Variants in SPECC1 observed in about 807,000 individuals in gnomAD.
SPECC1 encodes sperm antigen with calponin homology and coiled-coil domains 1.
SPECC1 carries 62 observed loss-of-function variants against 104.1 expected under a neutral mutation model. That is an observed-to-expected ratio of 0.60 (90% CI 0.49 to 0.74). The LOEUF is 0.74. Ranked by LOEUF, SPECC1 falls within the 30% of genes least tolerant of loss-of-function variation. The pLI, the probability that SPECC1 is intolerant of heterozygous loss-of-function variation, is 0.00. For missense variants in SPECC1, 1,306 were observed against 1,310.5 expected (o/e 1.00, Z 0.05); for synonymous variants, 513 against 501.6 (o/e 1.02, Z -0.30).
chr17:20,120,093 A>T (rs941331428), intron 3 of SPECC1, among the ~76,000 whole-genome samples: 3 of 152,236 alleles, frequency 2.0e-5, no homozygotes, highest in Non-Finnish European at 4.4e-5. Flanking sequence ...CTTGGGTTTT[A>T]AAATCTCAGT....
chr17:20,107,822 G>A (rs995837556), intron 2 of SPECC1, among the ~76,000 whole-genome samples: 7 of 152,038 alleles, frequency 4.6e-5, no homozygotes, highest in African/African-American at 9.7e-5. Context: ...CACTGCGCTC[G>A]ACCATGTGAT....
chr17:20,081,550 A>G (rs936943093), intron 1 of SPECC1, among the ~76,000 whole-genome samples: 2 of 151,984 alleles, frequency 1.3e-5, no homozygotes, highest in Non-Finnish European at 2.9e-5. Context: ...CAGAGGAGTG[A>G]TGGGATCTGA....
intron 1 of SPECC1, among the ~76,000 whole-genome samples, chr17:20,029,142 A>T (rs1253237910): frequency 6.6e-6 from 1 of 152,170 alleles, no homozygotes; most frequent in Non-Finnish European, 1.5e-5. Flanking sequence ...CTTTTGATCC[A>T]TGAACATGGG....
intron 3 of SPECC1, among the ~76,000 whole-genome samples, chr17:20,127,380 TC>T (rs773097170): frequency 2.6e-5 from 4 of 151,470 alleles, no homozygotes; most frequent in Non-Finnish European, 5.9e-5. Flanking sequence ...CTAGTATTGG[TC>T]CAAAAATCAG....
chr17:20,027,998 C>A (rs1483335828), intron 1 of SPECC1, among the ~76,000 whole-genome samples: 1 of 152,166 alleles, frequency 6.6e-6, no homozygotes, highest in African/African-American at 2.4e-5. Flanking sequence ...TCAAACCTAA[C>A]GTCTTTAAGA....
chr17:20,057,971 G>A (rs931579773), intron 1 of SPECC1, among the ~76,000 whole-genome samples: 18 of 152,028 alleles, frequency 1.2e-4, no homozygotes, highest in Middle Eastern at 3.4e-3. Flanking sequence ...GTCAACTCTC[G>A]GGGAAGTCAA....
intron 1 of SPECC1, among the ~76,000 whole-genome samples, chr17:20,080,776 A>G (rs2046938783): frequency 6.6e-6 from 1 of 152,064 alleles, no homozygotes; most frequent in Non-Finnish European, 1.5e-5. Context: ...CCAGGACAAG[A>G]AGGCGGTACA....
rs371111225 is a variant in SPECC1 at position 20,255,016 on chromosome 17, A to G, written c.2680+1430A>G. Among the ~76,000 whole-genome samples, 3 of 152,238 alleles carry G rather than the reference A, an allele frequency of 2.0e-5. No individual in the cohort carries two copies. The East Asian group carries it at 5.8e-4, about 29-fold the overall frequency. ...AAGCCCTACAGAAATTGAGTGACTT[A>G]TAAAGGCTACAGCGATTTTGGATGG... On this transcript the variant is annotated intron_variant, in intron 10 of 14. Coordinates refer to ENST00000395527, the MANE Select transcript of SPECC1 (RefSeq NM_001243439.2).
chr17:20,195,467 C>A (rs2035968969), intron 3 of SPECC1, among the ~76,000 whole-genome samples: 1 of 152,130 alleles, frequency 6.6e-6, no homozygotes, highest in African/African-American at 2.4e-5. Context: ...AAGCAAAACA[C>A]CATTTCACAT....
At chr17:20,196,607 C>T (rs1457760263) in intron 3 of SPECC1, among the ~76,000 whole-genome samples, 1 of 152,110 alleles carries the variant, frequency 6.6e-6, no homozygotes, top group African/African-American at 2.4e-5. Context: ...TCTGACTTGC[C>T]CTAAACATCC....
At chr17:20,273,758 T>A (rs549373568) in intron 12 of SPECC1, among the ~76,000 whole-genome samples, 15 of 152,352 alleles carry the variant, frequency 9.8e-5, no homozygotes, top group African/African-American at 3.6e-4. Flanking sequence ...GTCTTTGCCC[T>A]TCGCCACTGC....
chr17:20,098,996 C>T (rs1034424579), intron 2 of SPECC1, among the ~76,000 whole-genome samples: 1 of 152,166 alleles, frequency 6.6e-6, no homozygotes, highest in Admixed American at 6.5e-5. Context: ...AGCTTGGGGG[C>T]GTGGGGCTGG....
chr17:20,134,137 A>AATATAT (rs1372162889), intron 3 of SPECC1, among the ~76,000 whole-genome samples: 1 of 150,106 alleles, frequency 6.7e-6, no homozygotes, highest in Non-Finnish European at 1.5e-5. Context: ...TATAGTATAA[A>AATATAT]ATATATATTA....
At chr17:20,209,939 T>C (rs1170787155) in intron 4 of SPECC1, among the ~76,000 whole-genome samples, 1 of 152,242 alleles carries the variant, frequency 6.6e-6, no homozygotes, top group Non-Finnish European at 1.5e-5. Context: ...GTGGTATCCT[T>C]AGAATCTTAG....
chr17:20,153,957 T>C (rs982490984), intron 3 of SPECC1, among the ~76,000 whole-genome samples: 1 of 152,252 alleles, frequency 6.6e-6, no homozygotes, highest in Non-Finnish European at 1.5e-5. Flanking sequence ...TTCCTTAGTA[T>C]ATTTGCTTGT....
At chr17:20,243,310 A>G (rs1412555399) in intron 7 of SPECC1, among the ~76,000 whole-genome samples, 1 of 152,150 alleles carries the variant, frequency 6.6e-6, no homozygotes, top group African/African-American at 2.4e-5. Flanking sequence ...GTATACTTAC[A>G]TATTTCTTAA....
In SPECC1 at chr17:20,088,739, G is replaced by C. The variant is rs151014226; in HGVS notation, c.-21-7892G>C. Among the ~76,000 whole-genome samples, 1,515 of 152,204 alleles carry C rather than the reference G, an allele frequency of 1.0e-2. 28 individuals are homozygous for C. Among genetic ancestry groups the C allele is most frequent in the African/African-American group, 0.034 (1,410 of 41,520 alleles). On this transcript the variant is annotated intron_variant, in intron 1 of 14. Transcript: ENST00000395527. Reference sequence around the variant, plus strand: ...GCTCAGGCAAGCCGTCATTTAATTTGGTGGATGCTATTGTCTGAATGTTGA... The same window carrying C: ...GCTCAGGCAAGCCGTCATTTAATTTCGTGGATGCTATTGTCTGAATGTTGA...
intron 1 of SPECC1, among the ~76,000 whole-genome samples, chr17:20,086,420 C>T (rs1318205636): frequency 6.6e-6 from 1 of 152,208 alleles, no homozygotes; most frequent in East Asian, 1.9e-4. Flanking sequence ...GAGGCCACAG[C>T]ACTCAGTGTG....
intron 7 of SPECC1, among the ~76,000 whole-genome samples, chr17:20,245,171 A>C (rs2039367986): frequency 6.6e-6 from 1 of 152,154 alleles, no homozygotes; most frequent in Admixed American, 6.5e-5. Flanking sequence ...AAAGGTGTTA[A>C]ATGGTTTGCA....
Sources: gnomAD v4.1 joint callset for allele counts (sites outside exome capture counted in the v4.1 genomes callset) on GRCh38, gnomAD v4.1.1 for gene constraint, MANE v1.5 for transcripts, NCBI Gene and HGNC (gene_info 2026-07-23, HGNC 2026-07-21) for gene names.